The following ABL1 variants were observed in gnomAD, a reference collection of about 807,000 sequenced individuals.
ABL1 encodes the protein ABL proto-oncogene 1, non-receptor tyrosine kinase.
Under a neutral mutation model 94.7 loss-of-function variants are expected in ABL1, and 11 were observed. The ratio of observed to expected loss-of-function variants is 0.12; its 90% confidence interval spans 0.07 to 0.19. ABL1 has a LOEUF of 0.19. ABL1 is among the 10% of genes least tolerant of loss of function. ABL1 has a pLI of 1.00. For missense variants in ABL1, 1,082 were observed against 1,489.4 expected (o/e 0.73, Z 4.50); for synonymous variants, 656 against 622.4 (o/e 1.05, Z -0.80).
Position 130,854,061 on chromosome 9 carries a change from C to T in ABL1, c.80-3C>T. The T allele has an allele frequency of 6.2e-7, 1 of 1,601,650 alleles. No homozygotes were observed. Among genetic ancestry groups the T allele is most frequent in the Non-Finnish European group, 8.5e-7 (1 of 1,174,716 alleles). On this transcript the variant is annotated splice_polypyrimidine_tract_variant and splice_region_variant and intron_variant, in intron 1 of 10. Coordinates refer to ENST00000318560, the MANE Select transcript of ABL1 (RefSeq NM_005157.6). ...TTTTTCTGTTCCCCCCTTTCTCTTC[C>T]AGAAGCCCTTCAGCGGCCAGTAGCA...
intron 1 of ABL1, among the ~76,000 whole-genome samples, chr9:130,841,822 G>A (rs72765061): frequency 0.032 from 4,869 of 151,886 alleles, 128 homozygotes; most frequent in Middle Eastern, 0.065. Context: ...AAAAAAAAAA[G>A]TTGGTTTTCA....
chr9:130,886,843 C>T lies in ABL1; in HGVS notation c.*1160C>T, dbSNP rs1831593726. 4.3e-6 allele frequency: 1 copy of T among 233,240 alleles called. No individual in the cohort carries two copies. The highest frequency in any genetic ancestry group is 2.2e-5 in the African/African-American group (1 of 45,324). 14.4% of individuals were successfully genotyped at this position (233,240 alleles called of 1,614,324 possible). A position where few individuals can be genotyped will look rare whatever the true frequency, so the allele number is the denominator to read the frequency against. ...CTGCGCACAGGTGGGAGGAAAGGGC[C>T]TGGCCAGTCCTGGTCCTGGCTGCAC... On this transcript the variant is annotated 3_prime_UTR_variant, in exon 11 of 11. Transcript: ENST00000318560.
intron 7 of ABL1, among the ~76,000 whole-genome samples, chr9:130,878,048 C>T (rs1176991656): frequency 6.6e-6 from 1 of 151,962 alleles, no homozygotes; most frequent in East Asian, 1.9e-4. Context: ...CTCCTGACCT[C>T]GTGATCCGCC....
intron 1 of ABL1, among the ~76,000 whole-genome samples, chr9:130,734,868 C>T (rs1057222437): frequency 1.1e-4 from 16 of 151,918 alleles, no homozygotes; most frequent in African/African-American, 3.1e-4. Context: ...TTTGGAATGG[C>T]GGTGTGTAAC....
At chr9:130,873,180 G>A in intron 6 of ABL1, 143 bp downstream of exon 6, 1 of 892,250 alleles carries the variant, frequency 1.1e-6, no homozygotes, top group Non-Finnish European at 1.6e-6. Flanking sequence ...TTGGAACAAA[G>A]GCAAACACTA....
At chr9:130,878,125 A>G (rs998224369) in intron 7 of ABL1, among the ~76,000 whole-genome samples, 1 of 151,318 alleles carries the variant, frequency 6.6e-6, no homozygotes, top group African/African-American at 2.4e-5. Context: ...TAATTTTTGT[A>G]TTTTTAGTAG....
At chr9:130,734,450 C>T (rs1223559298) in intron 1 of ABL1, among the ~76,000 whole-genome samples, 2 of 150,650 alleles carry the variant, frequency 1.3e-5, no homozygotes, top group African/African-American at 4.9e-5. Context: ...CTCCTGACCT[C>T]GTGATCCGCC....
chr9:130,767,136 C>T (rs1832194120), intron 1 of ABL1, among the ~76,000 whole-genome samples: 3 of 152,218 alleles, frequency 2.0e-5, no homozygotes, highest in Admixed American at 6.5e-5. Context: ...GAAAGACCTT[C>T]CCTGATGGCC....
chr9:130,743,182 C>T (rs1831841090), intron 1 of ABL1, among the ~76,000 whole-genome samples: 1 of 152,202 alleles, frequency 6.6e-6, no homozygotes, highest in Non-Finnish European at 1.5e-5. Flanking sequence ...AAGTGATTCT[C>T]CTGCCTCAGC....
At chr9:130,737,494 C>T (rs1208338480) in intron 1 of ABL1, among the ~76,000 whole-genome samples, 4 of 152,006 alleles carry the variant, frequency 2.6e-5, no homozygotes, top group Non-Finnish European at 5.9e-5. Flanking sequence ...GTCTCGAACT[C>T]CTGACCTCAG....
In ABL1 at chr9:130,880,608, A is replaced by G. The variant is rs954526976; in HGVS notation, c.1622A>G (p.His541Arg). ...AGGACCTCCAGGAGAGCTGCAGAGCACAGAGACACCACTGACGTGCCTGAG... is the reference window on the plus strand; with the variant it reads ...AGGACCTCCAGGAGAGCTGCAGAGCGCAGAGACACCACTGACGTGCCTGAG... ...KTRTSRRAAE[H>R]RDTTDVPEMP... The change falls in exon 10 of 11, where the codon CAC becomes CGC. Residue 541 changes from histidine (H) to arginine (R), a missense_variant. Around this residue, in one of 7 missense-constraint regions of ABL1, gnomAD observed 780 missense variants for 835.8 expected, o/e 0.93. Coordinates refer to ENST00000318560, the MANE Select transcript of ABL1 (RefSeq NM_005157.6). The surrounding 1 kb of genome is among the most constrained non-coding windows in gnomAD (Gnocchi z 4.4). 6.2e-7 allele frequency: 1 copy of G among 1,613,606 alleles called. No homozygotes were observed. The highest frequency in any genetic ancestry group is 2.2e-5 in the East Asian group (1 of 44,830).
At position 130,801,189 on chromosome 9, in the gene ABL1, A is replaced by G. The variant is rs1043318880; in HGVS notation, c.137-52875A>G. 5.9e-5 allele frequency among the ~76,000 whole-genome samples: 9 copies of G among 151,492 alleles called. 1 individual carries two copies. Among genetic ancestry groups the G allele is most frequent in the Admixed American group, 5.9e-4 (9 of 15,220 alleles). Reference sequence around the variant, plus strand: ...AGTGACCCACCTACCTCAGCCTCCCAAAGTGCTGGGATTATAGGCCTGAGC... The same window carrying G: ...AGTGACCCACCTACCTCAGCCTCCCGAAGTGCTGGGATTATAGGCCTGAGC... On this transcript the variant is annotated intron_variant, in intron 1 of 10. Transcript: ENST00000372348.
chr9:130,781,596 A>T (rs538532020), intron 1 of ABL1, among the ~76,000 whole-genome samples: 1 of 152,204 alleles, frequency 6.6e-6, no homozygotes, highest in Non-Finnish European at 1.5e-5. Context: ...AGAATTCCAG[A>T]TAACATCTTA....
intron 1 of ABL1, among the ~76,000 whole-genome samples, chr9:130,744,181 C>T (rs1194268610): frequency 2.6e-5 from 4 of 151,482 alleles, no homozygotes; most frequent in East Asian, 2.0e-4. Context: ...CGCTCTCTTT[C>T]GCTAGGCTGG....
At chr9:130,716,072 CTT>C (rs71389339) in intron 1 of ABL1, among the ~76,000 whole-genome samples, 710 of 90,834 alleles carry the variant, frequency 7.8e-3, no homozygotes, top group Non-Finnish European at 0.012. Flanking sequence ...GAAAAATGTC[CTT>C]TTTTTTTTTT....
At chr9:130,870,401 T>G (rs1041975098) in intron 4 of ABL1, among the ~76,000 whole-genome samples, 4 of 152,258 alleles carry the variant, frequency 2.6e-5, no homozygotes, top group African/African-American at 9.6e-5. Flanking sequence ...TGGTTTATTA[T>G]GTAGTCTTCA....
intron 1 of ABL1, among the ~76,000 whole-genome samples, chr9:130,775,192 C>T (rs1832297446): frequency 6.6e-6 from 1 of 152,142 alleles, no homozygotes; most frequent in Non-Finnish European, 1.5e-5. Context: ...AGTCTTAACA[C>T]CAGATTCCCA....
chr9:130,837,500 C>T (rs1019769434), intron 1 of ABL1, among the ~76,000 whole-genome samples: 1 of 151,436 alleles, frequency 6.6e-6, no homozygotes, highest in Admixed American at 6.6e-5. Flanking sequence ...AAATCTAAAA[C>T]TCATTCCAAC....
At position 130,885,248 on chromosome 9, in the gene ABL1, A is replaced by G. The variant is rs35445683; in HGVS notation, c.2958A>G (p.Pro986=). 1.5e-3 allele frequency: 2,392 copies of G among 1,613,828 alleles called. 33 individuals carry two copies. In the East Asian group the frequency reaches 0.034, roughly 23 times the overall value. ...ISPAPVPSTL[P]SASSALAGDQ... ...CAGCCCCCGTTCCCTCCACGTTGCC[A>G]TCAGCATCCTCGGCCCTGGCAGGGG... Residue 986 remains proline, a synonymous_variant, in exon 11 of 11, where the codon CCA becomes CCG. Transcript: ENST00000318560.
Sources: allele counts gnomAD v4.1 joint callset (sites outside exome capture counted in the v4.1 genomes callset), GRCh38; gene constraint gnomAD v4.1.1; regional missense constraint gnomAD v4.1.1; non-coding constraint Gnocchi (gnomAD v3.1); transcripts MANE v1.5; gene names NCBI Gene and HGNC (gene_info 2026-07-23, HGNC 2026-07-21).